Variants in OPTC observed in about 807,000 individuals in gnomAD.
OPTC encodes the protein opticin.
OPTC carries 22 observed loss-of-function variants against 25.4 expected under a neutral mutation model. That is an observed-to-expected ratio of 0.87 (90% CI 0.62 to 1.24). The LOEUF (loss-of-function observed/expected upper bound fraction) is 1.24, where lower values mean the gene tolerates loss of function less well. OPTC is among the 50% of genes most tolerant of loss of function. The pLI is 0.00. For missense variants in OPTC, 417 were observed against 425.2 expected (o/e 0.98, Z 0.17); for synonymous variants, 169 against 179.3 (o/e 0.94, Z 0.46).
intron 3 of OPTC, among the ~76,000 whole-genome samples, 187 bp from the exon 4 acceptor site, chr1:203,498,494 G>A (rs1356707932): frequency 6.6e-6 from 1 of 152,204 alleles, no homozygotes; most frequent in Admixed American, 6.5e-5. Context: ...CCTCTCTGGG[G>A]TAGAGGACAG....
chr1:203,499,760 A>G lies in OPTC; in HGVS notation c.641A>G (p.Glu214Gly). Residue 214 changes from glutamate to glycine, a missense_variant, in exon 5 of 8, where the codon GAA becomes GGA. By Grantham distance (98) the Glu-to-Gly change is moderately conservative. Transcript: ENST00000367222. ...CTCATCCTCCCAGAGAACCAGTTGG[A>G]AGCTCTGCCCGTGCTGCCCAGTGGC... is the stretch of plus-strand genomic sequence containing the variant. ...QDLILPENQLEALPVLPSGIE... is the reference protein window; with the variant it reads ...QDLILPENQLGALPVLPSGIE... 6.2e-7 allele frequency: 1 copy of G among 1,612,986 alleles called. No homozygotes were observed. Among genetic ancestry groups the G allele is most frequent in the Non-Finnish European group, 8.5e-7 (1 of 1,179,924 alleles).
Position 203,503,560 on chromosome 1 carries a change from T to A in OPTC, c.839T>A (p.Ile280Lys). Residue 280 changes from isoleucine (I) to lysine (K), a missense_variant, in exon 7 of 8, where the codon ATA (isoleucine) becomes AAA (lysine). Ile to Lys is a moderately radical substitution (Grantham distance 102). Coordinates refer to ENST00000367222, the MANE Select transcript of OPTC (RefSeq NM_014359.4). ...ATGTGTTCTTCCCAGAATAACCTGATAGAGACCATGCAGAGAGACGTCTTC... is the reference window on the plus strand; with the variant it reads ...ATGTGTTCTTCCCAGAATAACCTGAAAGAGACCATGCAGAGAGACGTCTTC... ...LRSVHLQNNL[I>K]ETMQRDVFCD... 1 of 1,613,478 alleles carries A rather than the reference T, an allele frequency of 6.2e-7. No homozygotes were observed. Among genetic ancestry groups the A allele is most frequent in the Non-Finnish European group, 8.5e-7 (1 of 1,180,014 alleles).
At chr1:203,504,099 G>A (rs923751746) in intron 7 of OPTC, among the ~76,000 whole-genome samples, 1 of 152,182 alleles carries the variant, frequency 6.6e-6, no homozygotes, top group Admixed American at 6.5e-5. Context: ...GAAGAAGTGG[G>A]GAAGAGGAGA....
At chr1:203,495,940 G>A in intron 1 of OPTC, 25 bp from the exon 2 acceptor site, 1 of 1,094,994 alleles carries the variant, frequency 9.1e-7, no homozygotes, top group Admixed American at 2.0e-5. Flanking sequence ...TCAGATCGCT[G>A]CCCTTCCTCG....
rs574966940 is a variant in OPTC, at chr1:203,505,934, G to C, written c.*25+2189G>C. 1.2e-4 allele frequency among the ~76,000 whole-genome samples: 17 copies of C among 142,062 alleles called. No homozygotes were observed. In the South Asian group the frequency reaches 3.0e-3, roughly 25 times the overall value. 93.2% of individuals were successfully genotyped at this position (142,062 alleles called of 152,430 possible). A position where few individuals can be genotyped will look rare whatever the true frequency, so the allele number is the denominator to read the frequency against. Reference sequence around the variant, plus strand: ...CAGCGGAATCTCTCTCTCTGTGTGTGTCTCTCTCTCTCTCAGAGTGTGTGT... The same window carrying C: ...CAGCGGAATCTCTCTCTCTGTGTGTCTCTCTCTCTCTCTCAGAGTGTGTGT... On this transcript the variant is annotated intron_variant, in intron 7 of 7. Transcript: ENST00000367222.
At chr1:203,498,386 T>G (rs1159709691) in intron 3 of OPTC, among the ~76,000 whole-genome samples, 1 of 152,130 alleles carries the variant, frequency 6.6e-6, no homozygotes, top group Non-Finnish European at 1.5e-5. Flanking sequence ...AGGGATTTCC[T>G]AGAAACACCC....
intron 7 of OPTC, among the ~76,000 whole-genome samples, chr1:203,507,107 T>C (rs964743060): frequency 1.3e-5 from 2 of 152,000 alleles, no homozygotes; most frequent in East Asian, 1.9e-4. Context: ...AAGAGAGAGA[T>C]GGGGAGAGAC....
chr1:203,507,334 G>T (rs547360525), intron 7 of OPTC, among the ~76,000 whole-genome samples: 2 of 152,234 alleles, frequency 1.3e-5, no homozygotes, highest in Non-Finnish European at 2.9e-5. Context: ...AGAGTACAAA[G>T]GAAGGGAGTG....
Position 203,498,745 on chromosome 1 carries a change from AG to A in OPTC, c.436del (p.Glu146ArgfsTer31), listed in dbSNP as rs1282320926. Reference sequence around the variant, plus strand: ...CTGTGTATTGCGATGACATTGACCTAGAGGACATTCCTCCTCTTCCTCGGAG... The same window carrying A: ...CTGTGTATTGCGATGACATTGACCTAAGGACATTCCTCCTCTTCCTCGGAG... ...SSVYCDDIDL[E>X]DIPPLPRRTA... On this transcript the variant is annotated frameshift_variant, in exon 4 of 8. Transcript: ENST00000367222. LOFTEE classifies it high-confidence loss of function. 6.2e-7 allele frequency: 1 copy of A among 1,614,056 alleles called. No homozygotes were observed. Among genetic ancestry groups the A allele is most frequent in the African/African-American group, 1.3e-5 (1 of 74,920 alleles).
At chr1:203,497,142 T>C in intron 3 of OPTC, 27 bp downstream of exon 3, 2 of 1,613,430 alleles carry the variant, frequency 1.2e-6, no homozygotes, top group Non-Finnish European at 1.7e-6. Context: ...ATGGTCGCAA[T>C]ATCCCTAGGT....
chr1:203,498,321 T>C (rs1005207029), intron 3 of OPTC, among the ~76,000 whole-genome samples: 1 of 152,220 alleles, frequency 6.6e-6, no homozygotes, highest in African/African-American at 2.4e-5. Flanking sequence ...GCCATCCCAC[T>C]TAATTCTGGC....
At chr1:203,507,993 G>A (rs1661524300) in intron 7 of OPTC, among the ~76,000 whole-genome samples, 1 of 152,118 alleles carries the variant, frequency 6.6e-6, no homozygotes, top group Non-Finnish European at 1.5e-5. Context: ...TTTACATATG[G>A]GACCTAATTT....
intron 7 of OPTC, among the ~76,000 whole-genome samples, chr1:203,504,340 A>G (rs1441486615): frequency 6.6e-6 from 1 of 152,142 alleles, no homozygotes; most frequent in Non-Finnish European, 1.5e-5. Flanking sequence ...ATTTCTGTCC[A>G]TGGTGTCTGT....
intron 5 of OPTC, 81 bp downstream of exon 5, chr1:203,499,932 C>A: frequency 8.8e-7 from 1 of 1,139,248 alleles, no homozygotes; most frequent in Middle Eastern, 2.8e-4. Flanking sequence ...CCTACCTCCA[C>A]CACTCACCTC....
At chr1:203,506,150 T>C (rs1176874777) in intron 7 of OPTC, among the ~76,000 whole-genome samples, 3 of 146,630 alleles carry the variant, frequency 2.0e-5, no homozygotes, top group South Asian at 4.2e-4. Context: ...ATTTTCTTTT[T>C]TCTTTTTTTT....
At chr1:203,499,886 T>TCCACCACCCACCTATA in intron 5 of OPTC, 35 bp downstream of exon 5, 2 of 1,561,320 alleles carry the variant, frequency 1.3e-6, no homozygotes, top group East Asian at 4.5e-5. Flanking sequence ...ATCTATCACC[T>TCCACCACCCACCTATA]CCACCACCCA....
intron 3 of OPTC, among the ~76,000 whole-genome samples, chr1:203,498,326 TCTGG>T (rs1251221163): frequency 6.6e-6 from 1 of 152,180 alleles, no homozygotes; most frequent in Non-Finnish European, 1.5e-5. Flanking sequence ...CCCACTTAAT[TCTGG>T]CTTTACTTTT....
At chr1:203,495,336 T>A (rs945802347) in intron 1 of OPTC, among the ~76,000 whole-genome samples, 1 of 152,142 alleles carries the variant, frequency 6.6e-6, no homozygotes, top group Admixed American at 6.5e-5. Context: ...CTGGCCAATA[T>A]GGTGAAACCC....
At position 203,503,738 on chromosome 1, in the gene OPTC, C is replaced by A. The variant is rs780266698; in HGVS notation, c.*18C>A. ...TCACGTAGCTCGGAGCCCTTCCACT[C>A]CTCCCAGGTAAGAACCCTCCAAGGA... On this transcript the variant is annotated 3_prime_UTR_variant, in exon 7 of 8. Coordinates refer to ENST00000367222, the MANE Select transcript of OPTC (RefSeq NM_014359.4). 6.2e-7 allele frequency: 1 copy of A among 1,601,078 alleles called. No homozygotes were observed. Among genetic ancestry groups the A allele is most frequent in the South Asian group, 1.1e-5 (1 of 91,066 alleles).
Sources: gnomAD v4.1 joint callset for allele counts (sites outside exome capture counted in the v4.1 genomes callset) on GRCh38, gnomAD v4.1.1 for gene constraint, MANE v1.5 for transcripts, NCBI Gene and HGNC (gene_info 2026-07-23, HGNC 2026-07-21) for gene names.